The following RAB38 variants were observed in gnomAD, a reference collection of about 807,000 sequenced individuals.
RAB38 encodes ras-related protein Rab-38.
In RAB38, 15 loss-of-function variants were observed where a neutral mutation model predicts 18.4. That is an observed-to-expected ratio of 0.82 (90% CI 0.55 to 1.26). RAB38 has a LOEUF of 1.26. Ranked by LOEUF, RAB38 falls within the 50% of genes most tolerant of loss-of-function variation. The pLI is 0.00. For missense variants in RAB38, 294 were observed against 267.4 expected (o/e 1.10, Z -0.69); for synonymous variants, 101 against 104.4 (o/e 0.97, Z 0.20).
the RAB38 span, among the ~76,000 whole-genome samples, chr11:87,915,786 C>T: frequency 6.6e-6 from 1 of 152,086 alleles, no homozygotes; most frequent in Admixed American, 6.5e-5. Flanking sequence ...ATCCAAGAAC[C>T]TTGTCTTGGG....
chr11:87,951,378 C>G, the RAB38 span, among the ~76,000 whole-genome samples: 1 of 152,094 alleles, frequency 6.6e-6, no homozygotes. Context: ...TCATCTGAAG[C>G]CTTCTTGTCT....
chr11:88,012,041 T>C, the RAB38 span, among the ~76,000 whole-genome samples: 3 of 152,288 alleles, frequency 2.0e-5, no homozygotes, highest in East Asian at 5.8e-4. Context: ...ACCTGAGAGA[T>C]GGGACAGGAG....
chr11:88,028,885 A>G, the RAB38 span, among the ~76,000 whole-genome samples: 12 of 152,326 alleles, frequency 7.9e-5, no homozygotes, highest in African/African-American at 2.9e-4. Context: ...AGAATGCCAC[A>G]AAGATACTCC....
the RAB38 span, among the ~76,000 whole-genome samples, chr11:88,028,600 G>T: frequency 2.0e-5 from 3 of 152,142 alleles, no homozygotes; most frequent in African/African-American, 7.2e-5. Flanking sequence ...CTCAGGAGCC[G>T]ATGCGATCAA....
the RAB38 span, among the ~76,000 whole-genome samples, chr11:88,008,381 CAA>C: frequency 6.6e-6 from 1 of 151,938 alleles, no homozygotes. Flanking sequence ...ATGTGAAAAA[CAA>C]AAGTTACCAG....
At chr11:88,031,407 GGT>G in the RAB38 span, among the ~76,000 whole-genome samples, 1 of 150,438 alleles carries the variant, frequency 6.6e-6, no homozygotes, top group Non-Finnish European at 1.5e-5. Context: ...GGAAATAAAG[GGT>G]ATTCAATTAG....
chr11:88,135,955 A>G (rs1942829913), intron 2 of RAB38, among the ~76,000 whole-genome samples: 2 of 152,228 alleles, frequency 1.3e-5, no homozygotes, highest in South Asian at 4.1e-4. Context: ...GGGAATTATG[A>G]AAGTTCTCAA....
chr11:87,822,415 T>C, the RAB38 span, among the ~76,000 whole-genome samples: 2 of 152,192 alleles, frequency 1.3e-5, no homozygotes, highest in African/African-American at 4.8e-5. Flanking sequence ...GCCAAGAATC[T>C]GGGAATGTCT....
chr11:88,155,143 CA>C (rs1369523052), intron 1 of RAB38, among the ~76,000 whole-genome samples: 2 of 152,234 alleles, frequency 1.3e-5, no homozygotes, highest in African/African-American at 4.8e-5. Flanking sequence ...TCTCCCTCAG[CA>C]CAGCTGCTTG....
At chr11:87,873,922 G>GTGTGTGTATATATATATATATATATATA in the RAB38 span, among the ~76,000 whole-genome samples, 3 of 103,108 alleles carry the variant, frequency 2.9e-5, no homozygotes, top group African/African-American at 1.1e-4. Context: ...GTGTGTGTGT[G>GTGTGTGTATATATATATATATATATATA]TATATATATA....
chr11:87,857,185 A>G, the RAB38 span, among the ~76,000 whole-genome samples: 1 of 152,170 alleles, frequency 6.6e-6, no homozygotes, highest in Non-Finnish European at 1.5e-5. Flanking sequence ...CCTACAAAGG[A>G]CAGGAACTCA....
chr11:87,872,282 T>C, the RAB38 span, among the ~76,000 whole-genome samples: 1 of 151,522 alleles, frequency 6.6e-6, no homozygotes, highest in African/African-American at 2.4e-5. Context: ...AAATTGGATT[T>C]TTTCCTATAG....
At chr11:88,059,993 T>G in the RAB38 span, among the ~76,000 whole-genome samples, 1 of 152,226 alleles carries the variant, frequency 6.6e-6, no homozygotes, top group Non-Finnish European at 1.5e-5. Flanking sequence ...TTCATTTTTA[T>G]GAACATTCAA....
At chr11:88,138,437 C>T (rs61909934) in intron 2 of RAB38, among the ~76,000 whole-genome samples, 25,293 of 151,960 alleles carry the variant, frequency 0.17, 2,150 homozygotes, top group Middle Eastern at 0.23. Context: ...ATTAAATTCT[C>T]ATCTAGAAAA....
At chr11:88,026,562 C>CAAAA in the RAB38 span, among the ~76,000 whole-genome samples, 5 of 54,236 alleles carry the variant, frequency 9.2e-5, no homozygotes, top group East Asian at 7.2e-4. Context: ...GACTCTGTCA[C>CAAAA]AAAAAAAAAA....
the RAB38 span, among the ~76,000 whole-genome samples, chr11:87,837,387 T>C: frequency 6.6e-6 from 1 of 152,310 alleles, no homozygotes; most frequent in East Asian, 1.9e-4. Context: ...TCTTCTATTA[T>C]CAGTTCTTCC....
chr11:88,030,482 C>T, the RAB38 span, among the ~76,000 whole-genome samples: 2 of 151,874 alleles, frequency 1.3e-5, no homozygotes, highest in Admixed American at 6.6e-5. Context: ...AGACTGCTAG[C>T]AAGACTAATA....
the RAB38 span, among the ~76,000 whole-genome samples, chr11:87,845,947 A>G: frequency 6.6e-6 from 1 of 152,140 alleles, no homozygotes; most frequent in East Asian, 1.9e-4. Context: ...TCAGTATTGA[A>G]GGTGAGATAA....
chr11:88,142,394 T>C (rs1189725348), intron 2 of RAB38, among the ~76,000 whole-genome samples: 1 of 152,230 alleles, frequency 6.6e-6, no homozygotes, highest in Non-Finnish European at 1.5e-5. Context: ...TTGCCCTCTC[T>C]ACAAATAATT....
Sources: gnomAD v4.1 joint callset for allele counts (sites outside exome capture counted in the v4.1 genomes callset) on GRCh38, gnomAD v4.1.1 for gene constraint, MANE v1.5 for transcripts, NCBI Gene and HGNC (gene_info 2026-07-23, HGNC 2026-07-21) for gene names.